The following ATXN2 variants were observed in gnomAD, a reference collection of about 807,000 sequenced individuals.
The protein encoded by ATXN2 is ataxin 2, also known as ataxin-2.
Under a neutral mutation model 138.6 loss-of-function variants are expected in ATXN2, and 37 were observed. That is an observed-to-expected ratio of 0.27 (90% CI 0.21 to 0.35). ATXN2 has a LOEUF of 0.35. Ranked by LOEUF, ATXN2 falls within the 10% of genes least tolerant of loss-of-function variation. The pLI, the probability that ATXN2 is intolerant of heterozygous loss-of-function variation, is 1.00. For synonymous variants in ATXN2, 549 were observed against 543.7 expected, an observed-to-expected ratio of 1.01 and a Z score of -0.13; for missense variants, 1,216 against 1,480.3, an observed-to-expected ratio of 0.82 and a Z score of 2.93.
At chr12:111,588,991 C>CAAAAAAAAAAAAAAAAAAAAAAAAAA (rs58116265) in intron 1 of ATXN2, among the ~76,000 whole-genome samples, 2 of 38,708 alleles carry the variant, frequency 5.2e-5, no homozygotes, top group East Asian at 1.9e-3. Context: ...CGAGATTTCT[C>CAAAAAAAAAAAAAAAAAAAAAAAAAA]AAAAAAAAAA....
intron 18 of ATXN2, among the ~76,000 whole-genome samples, chr12:111,473,764 G>GAA (rs10710242): frequency 3.6e-5 from 5 of 139,892 alleles, no homozygotes; most frequent in Non-Finnish European, 3.2e-5. Context: ...AAACATTGGG[G>GAA]AAAAAAAAAA....
At chr12:111,561,718 C>T (rs189124318) in intron 1 of ATXN2, among the ~76,000 whole-genome samples, 19 of 152,100 alleles carry the variant, frequency 1.2e-4, no homozygotes, top group African/African-American at 4.1e-4. Context: ...TCTGTAATCC[C>T]AGCTACTTGG....
At chr12:111,549,082 C>T (rs1334568450) in intron 5 of ATXN2, among the ~76,000 whole-genome samples, 1 of 152,004 alleles carries the variant, frequency 6.6e-6, no homozygotes, top group African/African-American at 2.4e-5. Flanking sequence ...TCACATGAAA[C>T]CCATAGCTCA....
intron 14 of ATXN2, among the ~76,000 whole-genome samples, chr12:111,505,022 G>C (rs1293464282): frequency 1.3e-5 from 2 of 152,116 alleles, no homozygotes; most frequent in African/African-American, 2.4e-5. Context: ...CCAAGTGTTT[G>C]AGACCAGCCT....
chr12:111,559,777 C>CA (rs58659313), intron 1 of ATXN2, among the ~76,000 whole-genome samples: 3,139 of 75,956 alleles, frequency 0.041, 61 homozygotes, highest in African/African-American at 0.059. Flanking sequence ...TCTCAAAAAA[C>CA]AAAAAAAAAA....
chr12:111,581,826 C>G, intron 1 of ATXN2: 1 of 402,096 alleles, frequency 2.5e-6, no homozygotes, highest in Admixed American at 3.5e-5. Context: ...TGATCTGATT[C>G]CCATGTACTC....
rs369235418 is a variant in ATXN2 at position 111,483,143 on chromosome 12, C to T, written c.2524+2122G>A. Among the ~76,000 whole-genome samples, 4 of 149,206 alleles carry T rather than the reference C, an allele frequency of 2.7e-5. No individual in the cohort carries two copies. The East Asian group carries it at 8.1e-4, about 30-fold the overall frequency. On this transcript the variant is annotated intron_variant, in intron 18 of 24. Coordinates refer to ENST00000673436, the MANE Select transcript of ATXN2 (RefSeq NM_001372574.1). ...TCAAGGCTGCATTGAGCCATGATAG[C>T]GCCACTGCGTTCCAGCCTCAGCAGC...
At chr12:111,575,963 T>C (rs962621173) in intron 1 of ATXN2, among the ~76,000 whole-genome samples, 8 of 152,012 alleles carry the variant, frequency 5.3e-5, no homozygotes, top group Admixed American at 3.9e-4. Context: ...GCGCCTGTAA[T>C]CCCAGCTACT....
Position 111,598,313 on chromosome 12 carries a change from C to T in ATXN2, c.251+471G>A, listed in dbSNP as rs890808278. ...CGGGGGACGCGGCCCTAACTTCTCC[C>T]CTCCAGAGATGTCCCCCATGGAGGG... On this transcript the variant is annotated intron_variant, in intron 1 of 24. Coordinates refer to ENST00000673436, the MANE Select transcript of ATXN2 (RefSeq NM_001372574.1). This position sits in a 1 kb window ranked among gnomAD's most constrained non-coding sequence, Gnocchi z 4.5. 38 of 998,324 alleles carry T rather than the reference C, an allele frequency of 3.8e-5. No homozygotes were observed. The highest frequency in any genetic ancestry group is 4.4e-5 in the Non-Finnish European group (37 of 837,424). 61.8% of individuals were successfully genotyped at this position (998,324 alleles called of 1,614,324 possible). A position where few individuals can be genotyped will look rare whatever the true frequency, so the allele number is the denominator to read the frequency against.
chr12:111,559,263 G>A (rs1882546729), intron 1 of ATXN2, among the ~76,000 whole-genome samples: 1 of 151,258 alleles, frequency 6.6e-6, no homozygotes, highest in Admixed American at 6.6e-5. Context: ...ACCATGCCCA[G>A]ATAATTTTTG....
At chr12:111,474,239 A>C (rs1316443496) in intron 18 of ATXN2, among the ~76,000 whole-genome samples, 1 of 151,956 alleles carries the variant, frequency 6.6e-6, no homozygotes, top group East Asian at 1.9e-4. Flanking sequence ...AACAAACAAA[A>C]AAACCTATGA....
chr12:111,477,569 T>A (rs1876912199), intron 18 of ATXN2, among the ~76,000 whole-genome samples: 3 of 151,974 alleles, frequency 2.0e-5, no homozygotes, highest in Admixed American at 2.0e-4. Flanking sequence ...GCATGAACCT[T>A]AAGAGAAAAG....
At chr12:111,548,185 C>G (rs143633645) in intron 5 of ATXN2, among the ~76,000 whole-genome samples, 147 of 152,220 alleles carry the variant, frequency 9.7e-4, no homozygotes, top group African/African-American at 3.1e-3. Context: ...GAGCAAGACT[C>G]TGTCTCAAAA....
In ATXN2 at chr12:111,590,826, A is replaced by T. The variant is rs190785617; in HGVS notation, c.251+7958T>A. Reference sequence around the variant, plus strand: ...ACAAACCCTACTGGGAACTGCATATAGCAAGAGATGTAGGTTGTATGCTCT... The same window carrying T: ...ACAAACCCTACTGGGAACTGCATATTGCAAGAGATGTAGGTTGTATGCTCT... On this transcript the variant is annotated intron_variant, in intron 1 of 24. Coordinates refer to ENST00000673436, the MANE Select transcript of ATXN2 (RefSeq NM_001372574.1). 1.9e-4 allele frequency among the ~76,000 whole-genome samples: 29 copies of T among 152,280 alleles called. No individual in the cohort carries two copies. The East Asian group carries it at 5.6e-3, about 29-fold the overall frequency.
At chr12:111,554,913 T>G (rs771301631) in intron 2 of ATXN2, among the ~76,000 whole-genome samples, 1 of 152,186 alleles carries the variant, frequency 6.6e-6, no homozygotes, top group African/African-American at 2.4e-5. Context: ...TCAGCATCAG[T>G]GACAGTGCTT....
At chr12:111,509,105 T>C (rs1019244184) in intron 14 of ATXN2, among the ~76,000 whole-genome samples, 7 of 152,250 alleles carry the variant, frequency 4.6e-5, no homozygotes, top group Non-Finnish European at 1.0e-4. Flanking sequence ...AAGCCTGTGC[T>C]AAGACAGAGA....
chr12:111,506,889 C>T (rs573481860), intron 14 of ATXN2, among the ~76,000 whole-genome samples: 194 of 152,316 alleles, frequency 1.3e-3, no homozygotes, highest in Middle Eastern at 3.4e-3. Context: ...TGGTCTCCAG[C>T]TCCTAACCGC....
At chr12:111,553,007 A>G in intron 3 of ATXN2, 30 bp from the exon 4 acceptor site, 1 of 1,413,300 alleles carries the variant, frequency 7.1e-7, no homozygotes, top group Non-Finnish European at 9.6e-7. Flanking sequence ...TTATCAAAGA[A>G]ACAGTATACT....
rs1052635821 is a variant in ATXN2 at position 111,453,746 on chromosome 12, C to T, written c.3370G>A (p.Ala1124Thr). 10 of 1,613,760 alleles carry T rather than the reference C, an allele frequency of 6.2e-6. No individual in the cohort carries two copies. Among genetic ancestry groups the T allele is most frequent in the African/African-American group, 2.7e-5 (2 of 74,888 alleles). ...GGAATGGGCTGTAGTGCACTTTGAG[C>T]GAGGGCGGCCTGGGGACCGCCGGGT... ...QPPGGPQAALAQSALQPIPVS... is the reference protein window; with the variant it reads ...QPPGGPQAALTQSALQPIPVS... The change falls in exon 24 of 25, where the codon GCT (alanine) becomes ACT (threonine). Residue 1124 changes from alanine (A) to threonine (T), a missense_variant. This residue lies in a region of ATXN2 where 490 missense variants were observed against 653.5 expected (regional missense o/e 0.75). Coordinates refer to ENST00000673436, the MANE Select transcript of ATXN2 (RefSeq NM_001372574.1). The surrounding 1 kb of genome is among the most constrained non-coding windows in gnomAD (Gnocchi z 5.4).
Sources: gnomAD v4.1 joint callset for allele counts (sites outside exome capture counted in the v4.1 genomes callset) on GRCh38, gnomAD v4.1.1 for gene constraint, gnomAD v4.1.1 regional missense constraint, Gnocchi (gnomAD v3.1) non-coding constraint, MANE v1.5 for transcripts, NCBI Gene and HGNC (gene_info 2026-07-23, HGNC 2026-07-21) for gene names.